The following MTMR3 variants were observed in gnomAD, a reference collection of about 807,000 sequenced individuals.
MTMR3 encodes phosphatidylinositol-3,5-bisphosphate 3-phosphatase MTMR3.
In MTMR3, 32 loss-of-function variants were observed where a neutral mutation model predicts 132.4. The ratio of observed to expected loss-of-function variants is 0.24; its 90% confidence interval spans 0.18 to 0.32. MTMR3 has a LOEUF of 0.32. MTMR3 is among the 10% of genes least tolerant of loss of function. The pLI is 1.00. For synonymous variants in MTMR3, 556 were observed against 550.3 expected, an observed-to-expected ratio of 1.01 and a Z score of -0.14; for missense variants, 1,216 against 1,489.6, an observed-to-expected ratio of 0.82 and a Z score of 3.02.
intron 5 of MTMR3, chr22:29,987,810 T>C (rs1488549564): frequency 6.6e-6 from 1 of 152,218 alleles, no homozygotes; most frequent in Non-Finnish European, 1.5e-5. Flanking sequence ...TTCTAACTGA[T>C]TTTTTGAAGC....
intron 5 of MTMR3, chr22:29,984,650 T>G (rs1005302918): frequency 5.9e-5 from 9 of 152,200 alleles, no homozygotes; most frequent in East Asian, 1.9e-4. Flanking sequence ...GGTGGAGAGA[T>G]AGAGGAGAGA....
chr22:30,017,776 T>C (rs2067633377), intron 15 of MTMR3, 151 bp from the exon 16 acceptor site: 7 of 904,808 alleles, frequency 7.7e-6, no homozygotes, highest in South Asian at 1.6e-5. Flanking sequence ...CCTCTTGGGA[T>C]AGACCTGTAT....
intron 15 of MTMR3, 175 bp from the exon 16 acceptor site, chr22:30,017,752 A>T (rs968439121): frequency 3.1e-6 from 2 of 637,170 alleles, no homozygotes; most frequent in Non-Finnish European, 5.3e-6. Flanking sequence ...TAAAATGTCT[A>T]GTCCTGTATT....
intron 1 of MTMR3, among the ~76,000 whole-genome samples, chr22:29,904,541 A>G (rs970978097): frequency 1.2e-4 from 19 of 152,212 alleles, no homozygotes; most frequent in African/African-American, 4.1e-4. Context: ...GGGGCTAACA[A>G]TAATACCTCT....
chr22:29,897,882 A>G (rs955773950), intron 1 of MTMR3, among the ~76,000 whole-genome samples: 5 of 152,218 alleles, frequency 3.3e-5, no homozygotes, highest in Admixed American at 1.3e-4. Flanking sequence ...ACAAATATCT[A>G]TATATATTTT....
chr22:29,928,020 A>G (rs1002845827), intron 1 of MTMR3, among the ~76,000 whole-genome samples: 6 of 142,814 alleles, frequency 4.2e-5, no homozygotes, highest in African/African-American at 1.6e-4. Context: ...AGGTCACTGC[A>G]AACTCCACCT....
chr22:29,901,766 G>A (rs1290738159), intron 1 of MTMR3, among the ~76,000 whole-genome samples: 1 of 152,084 alleles, frequency 6.6e-6, no homozygotes, highest in East Asian at 1.9e-4. Flanking sequence ...TGCCTATGCT[G>A]GCCGCAAGCT....
In MTMR3 at chr22:29,890,283, A is replaced by G. The variant is rs1355052751; in HGVS notation, c.-138+6924A>G. Among the ~76,000 whole-genome samples, 12 of 152,158 alleles carry G rather than the reference A, an allele frequency of 7.9e-5. No individual in the cohort carries two copies. The South Asian group carries it at 1.7e-3, about 21-fold the overall frequency. ...TGTAATCCCAGCACTTTGGGAGGCC[A>G]AGGCGGGTGGATCACCTGAGGTCAG... On this transcript the variant is annotated intron_variant, in intron 1 of 19. Coordinates refer to ENST00000401950, the MANE Select transcript of MTMR3 (RefSeq NM_021090.4).
chr22:29,937,180 G>A (rs2065765859), intron 1 of MTMR3, among the ~76,000 whole-genome samples: 2 of 152,046 alleles, frequency 1.3e-5, no homozygotes, highest in Admixed American at 6.6e-5. Context: ...TGGATTTGCA[G>A]CTTTAAGATG....
At chr22:29,979,196 A>G in intron 5 of MTMR3, 144 bp downstream of exon 5, 1 of 617,946 alleles carries the variant, frequency 1.6e-6, no homozygotes, top group Non-Finnish European at 2.8e-6. Context: ...TTTAGCACTC[A>G]AGGAACACTG....
At chr22:29,978,570 AG>A in intron 4 of MTMR3, 39 bp downstream of exon 4, 1 of 1,496,522 alleles carries the variant, frequency 6.7e-7, no homozygotes, top group Non-Finnish European at 9.3e-7. Flanking sequence ...ATATTTATTT[AG>A]CATTAACTGT....
chr22:30,009,589 A>C (rs1435796536), intron 12 of MTMR3: 1 of 154,712 alleles, frequency 6.5e-6, no homozygotes, highest in African/African-American at 2.4e-5. Context: ...CCATTAAGTC[A>C]GTTCCTTTTA....
chr22:29,925,134 G>A (rs1248054610), intron 1 of MTMR3, among the ~76,000 whole-genome samples: 1 of 151,762 alleles, frequency 6.6e-6, no homozygotes, highest in African/African-American at 2.4e-5. Flanking sequence ...CGAGGCTCAG[G>A]GGATCCTCCC....
intron 1 of MTMR3, among the ~76,000 whole-genome samples, chr22:29,909,577 T>C (rs115233568): frequency 4.9e-4 from 75 of 152,300 alleles, no homozygotes; most frequent in African/African-American, 1.5e-3. Context: ...TGAGTAAGAT[T>C]AATGACTAAT....
At chr22:29,981,661 C>T (rs1399265345) in intron 5 of MTMR3, 1 of 151,494 alleles carries the variant, frequency 6.6e-6, no homozygotes, top group African/African-American at 2.4e-5. Flanking sequence ...TGGTGAAACC[C>T]CATCTCTACT....
At chr22:29,950,366 T>A (rs924895243) in intron 1 of MTMR3, among the ~76,000 whole-genome samples, 8 of 148,498 alleles carry the variant, frequency 5.4e-5, no homozygotes, top group South Asian at 2.1e-4. Context: ...TTTTTTTATT[T>A]ATTTTTTTAT....
At chr22:30,018,137 T>C in intron 16 of MTMR3, 65 bp downstream of exon 16, 1 of 1,480,964 alleles carries the variant, frequency 6.8e-7, no homozygotes, top group Non-Finnish European at 9.0e-7. Flanking sequence ...TTGGGACGTG[T>C]GCAGGGATGG....
chr22:29,961,831 C>T (rs2066317491), intron 2 of MTMR3, among the ~76,000 whole-genome samples: 1 of 152,174 alleles, frequency 6.6e-6, no homozygotes, highest in South Asian at 2.1e-4. Flanking sequence ...CCATTTTAAT[C>T]TTTTGTATCA....
intron 1 of MTMR3, among the ~76,000 whole-genome samples, chr22:29,931,589 A>G (rs1483194099): frequency 1.3e-5 from 2 of 152,056 alleles, no homozygotes; most frequent in African/African-American, 2.4e-5. Flanking sequence ...TAACTTTTGT[A>G]TTTTTAGTAG....
Sources: gnomAD v4.1 joint callset for allele counts (sites outside exome capture counted in the v4.1 genomes callset) on GRCh38, gnomAD v4.1.1 for gene constraint, MANE v1.5 for transcripts, NCBI Gene and HGNC (gene_info 2026-07-23, HGNC 2026-07-21) for gene names.